PFKP: variants seen among roughly 807,000 people sequenced by gnomAD.
PFKP encodes the protein phosphofructokinase, platelet.
A neutral mutation model predicts 94.3 loss-of-function variants in PFKP; 101 were observed. The ratio of observed to expected loss-of-function variants is 1.07; its 90% CI spans 0.91 to 1.26. The LOEUF (loss-of-function observed/expected upper bound fraction) is 1.26. Ranked by LOEUF, PFKP falls within the 50% of genes most tolerant of loss-of-function variation. The pLI is 0.00. For synonymous variants in PFKP, 573 were observed against 432.6 expected (o/e 1.32, Z -4.03); for missense variants, 1,145 against 1,103.3 (o/e 1.04, Z -0.53).
Position 3,112,305 on chromosome 10 carries a change from A to C in PFKP, c.1154+19A>C. ...GAGGGAGGTGAGGTGCTTTGGAGAAAGCTCTGCCCTGTCAGGAACACACAC... is the reference window on the plus strand; with the variant it reads ...GAGGGAGGTGAGGTGCTTTGGAGAACGCTCTGCCCTGTCAGGAACACACAC... On this transcript the variant is annotated intron_variant, in intron 11 of 21. Transcript: ENST00000381125. 1 of 1,602,410 alleles carries C rather than the reference A, an allele frequency of 6.2e-7. No homozygotes were observed. Among genetic ancestry groups the C allele is most frequent in the South Asian group, 1.1e-5 (1 of 90,766 alleles).
In PFKP at chr10:3,129,864, G is replaced by A. The variant is rs143809031; in HGVS notation, c.1729G>A (p.Val577Met). ...GTCCGCCAGCGGAACCAAGCGGCGCGTGTTCATCATCGAGACCATGGGCGG... is the reference window on the plus strand; with the variant it reads ...GTCCGCCAGCGGAACCAAGCGGCGCATGTTCATCATCGAGACCATGGGCGG... ...KQSASGTKRRVFIIETMGGYC... is the reference protein window; with the variant it reads ...KQSASGTKRRMFIIETMGGYC... The change falls in exon 17 of 22, where the codon GTG becomes ATG. Residue 577 changes from valine (V) to methionine (M), a missense_variant. Val to Met is a conservative substitution (Grantham distance 21). Transcript: ENST00000381125. 1.6e-5 allele frequency: 26 copies of A among 1,613,574 alleles called. No homozygotes were observed. Among genetic ancestry groups the A allele is most frequent in the South Asian group, 3.3e-5 (3 of 91,084 alleles).
Position 3,105,507 on chromosome 10 carries a change from GC to G in PFKP, c.774+7del. 6.3e-7 allele frequency: 1 copy of G among 1,593,194 alleles called. No homozygotes were observed. The highest frequency in any genetic ancestry group is 1.1e-5 in the South Asian group (1 of 90,674). On this transcript the variant is annotated splice_region_variant and intron_variant, in intron 7 of 21. Coordinates refer to ENST00000381125, the MANE Select transcript of PFKP (RefSeq NM_002627.5). The stretch of plus-strand genomic sequence containing the variant: ...TGTGTGTCAAACTCTCGGAGGTAAT[GC>G]GGGTCCCGTGGCCGTTGATAGCGGG...
intron 4 of PFKP, among the ~76,000 whole-genome samples, chr10:3,102,563 G>A (rs556822373): frequency 4.6e-5 from 7 of 152,030 alleles, no homozygotes; most frequent in South Asian, 4.2e-4. Context: ...ACAGGCATGC[G>A]CCACCACACC....
intron 13 of PFKP, among the ~76,000 whole-genome samples, chr10:3,115,774 ACTGATTCCTCAGGGCG>A (rs1367010811): frequency 6.6e-6 from 1 of 152,160 alleles, no homozygotes; most frequent in Non-Finnish European, 1.5e-5. Flanking sequence ...AAGGTCCAGG[ACTGATTCCTCAGGGCG>A]CCATTGTTAA....
At chr10:3,102,216 A>C (rs1303992113) in intron 4 of PFKP, among the ~76,000 whole-genome samples, 2 of 118,276 alleles carry the variant, frequency 1.7e-5, no homozygotes, top group East Asian at 2.7e-4. Flanking sequence ...CCGCCACTGC[A>C]CTCCAGCCTG....
At chr10:3,086,462 C>G (rs544280907) in intron 2 of PFKP, among the ~76,000 whole-genome samples, 19 of 152,334 alleles carry the variant, frequency 1.2e-4, no homozygotes, top group Middle Eastern at 3.4e-3. Flanking sequence ...TGATTTACCC[C>G]CTTAGGACGT....
At position 3,107,806 on chromosome 10, in the gene PFKP, C is replaced by T. The variant is rs995086055; in HGVS notation, c.870+497C>T. ...GGGAACAGGCTTTGGCAGGCTTTGG[C>T]AGGCTTCGTGCCCTGGGACTTGCTC... On this transcript the variant is annotated intron_variant, in intron 8 of 21. Transcript: ENST00000381125. The T allele has an allele frequency of 6.6e-6, 8 of 1,212,368 alleles. No homozygotes were observed. In the African/African-American group the frequency reaches 7.9e-5, roughly 12 times the overall value. 75.1% of individuals were successfully genotyped at this position (1,212,368 alleles called of 1,614,324 possible). A position where few individuals can be genotyped will look rare whatever the true frequency, so the allele number is the denominator to read the frequency against.
At chr10:3,109,886 C>A (rs1478926062) in intron 10 of PFKP, among the ~76,000 whole-genome samples, 1 of 150,896 alleles carries the variant, frequency 6.6e-6, no homozygotes, top group Non-Finnish European at 1.5e-5. Context: ...GAGAGAGACC[C>A]ATGGGGCAGA....
rs903458614 is a variant in PFKP at position 3,132,521 on chromosome 10, G to A, written c.1910+80G>A. On this transcript the variant is annotated intron_variant, in intron 18 of 21. Transcript: ENST00000381125. The stretch of plus-strand genomic sequence containing the variant: ...TAGATTCTAGTCTGTGACTTGGGCT[G>A]GATGAGTGGTCATTTCTTTGCCGCT... The A allele has an allele frequency of 3.3e-5, 33 of 997,316 alleles. No individual in the cohort carries two copies. The African/African-American group carries it at 4.9e-4, about 15-fold the overall frequency. The allele number at this position is 997,316 out of a possible 1,614,324, so 61.8% of individuals were successfully genotyped here.
chr10:3,129,664 C>T, intron 16 of PFKP, 155 bp from the exon 17 acceptor site: 3 of 778,142 alleles, frequency 3.9e-6, no homozygotes, highest in Non-Finnish European at 2.1e-6. Flanking sequence ...AGGGCACATC[C>T]TGGCTGCTGC....
rs1002752855 is a variant in PFKP at position 3,116,721 on chromosome 10, G to A, written c.1372-55G>A. The stretch of plus-strand genomic sequence containing the variant: ...TACAGAAAGCTATTTTTAGCACTTT[G>A]CAACTTGCCTTTCATTGTTCACTTT... On this transcript the variant is annotated intron_variant, in intron 13 of 21. Transcript: ENST00000381125. 6 of 1,348,712 alleles carry A rather than the reference G, an allele frequency of 4.4e-6. No homozygotes were observed. In the South Asian group the frequency reaches 5.8e-5, roughly 13 times the overall value. 83.5% of individuals were successfully genotyped at this position (1,348,712 alleles called of 1,614,324 possible).
chr10:3,078,508 G>C (rs868604276), intron 1 of PFKP, among the ~76,000 whole-genome samples: 1 of 152,174 alleles, frequency 6.6e-6, no homozygotes, highest in African/African-American at 2.4e-5. Flanking sequence ...TCCACTCCCA[G>C]GCAATTAAAT....
intron 7 of PFKP, among the ~76,000 whole-genome samples, chr10:3,105,819 T>C (rs2388571): frequency 0.3 from 44,865 of 152,074 alleles, 6,898 homozygotes; most frequent in East Asian, 0.48. Flanking sequence ...GCCACCCCTA[T>C]CATTTTCTAT....
Position 3,129,907 on chromosome 10 carries a change from C to G in PFKP, c.1772C>G (p.Ala591Gly). 6.2e-7 allele frequency: 1 copy of G among 1,612,776 alleles called. No individual in the cohort carries two copies. The highest frequency in any genetic ancestry group is 8.5e-7 in the Non-Finnish European group (1 of 1,179,518). The change falls in exon 17 of 22, where the codon GCC becomes GGC. Residue 591 changes from alanine (A) to glycine (G), a missense_variant. Around this residue, in one of 3 missense-constraint regions of PFKP, gnomAD observed 1,119 missense variants for 1,062.8 expected, o/e 1.05. Transcript: ENST00000381125. ...ETMGGYCGYL[A>G]NMGGLAAGAD... ...ATGGGCGGCTACTGTGGCTACCTGG[C>G]CAACATGGGGGGGCTCGCGGCCGGA...
At chr10:3,086,492 T>C (rs1833611814) in intron 2 of PFKP, among the ~76,000 whole-genome samples, 1 of 152,192 alleles carries the variant, frequency 6.6e-6, no homozygotes, top group Non-Finnish European at 1.5e-5. Context: ...TTTGGAGGCA[T>C]TTTTTGATTG....
At chr10:3,130,773 G>A (rs1162375065) in intron 17 of PFKP, among the ~76,000 whole-genome samples, 2 of 152,118 alleles carry the variant, frequency 1.3e-5, no homozygotes, top group South Asian at 4.1e-4. Context: ...TGGTCAGGCT[G>A]GTCTCAAACT....
chr10:3,134,627 G>C (rs376001290), intron 20 of PFKP, 45 bp downstream of exon 20: 1 of 1,249,946 alleles, frequency 8.0e-7, no homozygotes, highest in Admixed American at 1.7e-5. Context: ...GATGCAGGCC[G>C]TCCTGCCTTG....
chr10:3,091,595 C>T (rs955623653), intron 2 of PFKP, among the ~76,000 whole-genome samples: 2 of 152,050 alleles, frequency 1.3e-5, no homozygotes, highest in African/African-American at 2.4e-5. Flanking sequence ...CGGATGGATC[C>T]TTTGAGGTCA....
At chr10:3,108,579 T>C (rs527339094) in intron 8 of PFKP, 122 bp from the exon 9 acceptor site, 17 of 693,066 alleles carry the variant, frequency 2.5e-5, no homozygotes, top group Non-Finnish European at 4.3e-5. Context: ...TAGAAATAAC[T>C]TTTCCCATTT....
Sources: allele counts gnomAD v4.1 joint callset (sites outside exome capture counted in the v4.1 genomes callset), GRCh38; gene constraint gnomAD v4.1.1; regional missense constraint gnomAD v4.1.1; transcripts MANE v1.5; gene names NCBI Gene and HGNC (gene_info 2026-07-23, HGNC 2026-07-21).